The following LOXHD1 variants were observed in gnomAD, a reference collection of about 807,000 sequenced individuals.
LOXHD1 encodes lipoxygenase homology domain-containing protein 1.
Under a neutral mutation model 248.2 loss-of-function variants are expected in LOXHD1, and 205 were observed. The observed-to-expected ratio is 0.83, with a 90% confidence interval of 0.74 to 0.93. LOXHD1 has a LOEUF of 0.93. LOXHD1 is among the 40% of genes least tolerant of loss of function. LOXHD1 has a pLI of 0.00. For synonymous variants in LOXHD1, 1,113 were observed against 1,162.8 expected (o/e 0.96, Z 0.87); for missense variants, 2,930 against 2,971.6 (o/e 0.99, Z 0.33).
chr18:46,593,843 A>G, intron 9 of LOXHD1, 83 bp from the exon 10 acceptor site: 2 of 1,464,126 alleles, frequency 1.4e-6, no homozygotes, highest in South Asian at 1.2e-5. Flanking sequence ...GAAAAATCCA[A>G]AATGATCAGG....
rs539652803 is a variant in LOXHD1 at position 46,579,196 on chromosome 18, C to T, written c.1809+434G>A. 4.6e-5 allele frequency among the ~76,000 whole-genome samples: 7 copies of T among 152,344 alleles called. No individual in the cohort carries two copies. The South Asian group carries it at 1.4e-3, about 32-fold the overall frequency. ...GGCCCAGCTTTCTCCAGCCCAGGTC[C>T]TCTAGTCCACAGTGCCCGGCATCTT... On this transcript the variant is annotated intron_variant, in intron 13 of 40. Coordinates refer to ENST00000642948, the MANE Select transcript of LOXHD1 (RefSeq NM_001384474.1).
rs539210925 is a variant in LOXHD1, at chr18:46,482,698, G to A, written c.6341+889C>T. Among the ~76,000 whole-genome samples the A allele has an allele frequency of 1.8e-4, 27 of 152,324 alleles. No individual in the cohort carries two copies. The South Asian group carries it at 4.6e-3, about 26-fold the overall frequency. On this transcript the variant is annotated intron_variant, in intron 40 of 40. Transcript: ENST00000642948. ...CTCCTGAGGGCCAGAGCCCATAGCC[G>A]AGGGCTCTGCCTAGGTCCAGCCTGG...
At chr18:46,538,935 C>T (rs577987882) in intron 25 of LOXHD1, among the ~76,000 whole-genome samples, 6 of 152,322 alleles carry the variant, frequency 3.9e-5, no homozygotes, top group South Asian at 4.1e-4. Context: ...ATTCAGGTTC[C>T]GTCACATTAC....
At chr18:46,646,430 A>G (rs2039031376) in intron 2 of LOXHD1, among the ~76,000 whole-genome samples, 1 of 152,150 alleles carries the variant, frequency 6.6e-6, no homozygotes. Context: ...CATGTCCTTC[A>G]ATGCTCTTTG....
intron 4 of LOXHD1, among the ~76,000 whole-genome samples, chr18:46,623,462 G>C (rs2038696099): frequency 6.6e-6 from 1 of 152,232 alleles, no homozygotes; most frequent in Admixed American, 6.5e-5. Flanking sequence ...AAGCCAACCA[G>C]AATTGAGCTG....
chr18:46,555,402 G>T, intron 21 of LOXHD1: 1 of 284,386 alleles, frequency 3.5e-6, no homozygotes, highest in Non-Finnish European at 7.1e-6. Context: ...CGGTCTTTAT[G>T]TGGTTTCACA....
intron 4 of LOXHD1, among the ~76,000 whole-genome samples, chr18:46,625,429 C>A (rs1211833198): frequency 6.6e-6 from 1 of 151,218 alleles, no homozygotes; most frequent in African/African-American, 2.4e-5. Flanking sequence ...CTGGGCCACA[C>A]TGGAAGGAGA....
intron 4 of LOXHD1, among the ~76,000 whole-genome samples, chr18:46,621,582 T>G (rs2038669210): frequency 1.3e-5 from 2 of 152,188 alleles, no homozygotes; most frequent in African/African-American, 4.8e-5. Context: ...AGAGTTTCAG[T>G]GAGCACAGAC....
chr18:46,599,440 A>G (rs1016650199), intron 8 of LOXHD1, among the ~76,000 whole-genome samples: 11 of 152,296 alleles, frequency 7.2e-5, no homozygotes, highest in Middle Eastern at 3.4e-3. Context: ...TCTCCCTCAC[A>G]AAATTCAATT....
intron 4 of LOXHD1, among the ~76,000 whole-genome samples, chr18:46,638,002 A>C (rs1226058335): frequency 6.6e-6 from 1 of 152,212 alleles, no homozygotes; most frequent in Non-Finnish European, 1.5e-5. Context: ...GGGGGAGCAC[A>C]GTACAAATGT....
intron 31 of LOXHD1, 129 bp from the exon 32 acceptor site, chr18:46,522,438 G>C (rs2035626250): frequency 9.7e-6 from 7 of 721,352 alleles, no homozygotes; most frequent in Non-Finnish European, 1.4e-5. Context: ...ACAAAGTGCA[G>C]TGAGCCCTTC....
rs527419199 is a variant in LOXHD1, at chr18:46,579,532, C to T, written c.1809+98G>A. On this transcript the variant is annotated intron_variant, in intron 13 of 40. Transcript: ENST00000642948. ...GCTCCTGATGGCTGAGGCCCCAGGA[C>T]CAGCATCAGCTCAACTTTAACAGGG... The T allele has an allele frequency of 5.7e-5, 84 of 1,479,780 alleles. 3 individuals are homozygous for T. The South Asian group carries it at 1.0e-3, about 18-fold the overall frequency. The allele number at this position is 1,479,780 out of a possible 1,614,324, so 91.7% of individuals were successfully genotyped here.
At position 46,538,136 on chromosome 18, in the gene LOXHD1, A is replaced by T; in HGVS notation, c.4095+20T>A. Reference sequence around the variant, plus strand: ...TGTCTGACCTACTCCATCCCTGGACAGCCTGCTGAGCCCAAGTACCTCTAC... The same window carrying T: ...TGTCTGACCTACTCCATCCCTGGACTGCCTGCTGAGCCCAAGTACCTCTAC... On this transcript the variant is annotated intron_variant, in intron 26 of 40. Transcript: ENST00000642948. The T allele has an allele frequency of 1.3e-6, 2 of 1,522,564 alleles. No individual in the cohort carries two copies. The highest frequency in any genetic ancestry group is 1.8e-6 in the Non-Finnish European group (2 of 1,124,836). The allele number at this position is 1,522,564 out of a possible 1,614,324, so 94.3% of individuals were successfully genotyped here.
chr18:46,651,499 A>G (rs2039110943), intron 1 of LOXHD1, among the ~76,000 whole-genome samples: 1 of 152,092 alleles, frequency 6.6e-6, no homozygotes. Context: ...GAAATTCTAG[A>G]GCCACACCAC....
At chr18:46,654,834 T>C (rs2039159540) in intron 1 of LOXHD1, among the ~76,000 whole-genome samples, 3 of 152,150 alleles carry the variant, frequency 2.0e-5, no homozygotes, top group African/African-American at 7.2e-5. Context: ...GAATCCATGG[T>C]TCCCTTAGAA....
chr18:46,656,638 G>C (rs2144417018), intron 1 of LOXHD1, among the ~76,000 whole-genome samples: 1 of 152,320 alleles, frequency 6.6e-6, no homozygotes, highest in East Asian at 1.9e-4. Flanking sequence ...TGGGGCCATG[G>C]GGGCACTGTG....
At chr18:46,554,712 G>A (rs573567921) in intron 21 of LOXHD1, among the ~76,000 whole-genome samples, 309 of 151,832 alleles carry the variant, frequency 2.0e-3, no homozygotes, top group African/African-American at 7.2e-3. Flanking sequence ...GAAAGGGAGG[G>A]GGGAAAAGAA....
intron 14 of LOXHD1, among the ~76,000 whole-genome samples, chr18:46,574,543 C>T (rs570878099): frequency 1.3e-5 from 2 of 151,514 alleles, no homozygotes; most frequent in South Asian, 4.2e-4. Context: ...CCTGATTTTT[C>T]CAAGTCCCCT....
At chr18:46,515,939 A>G (rs1392806277) in intron 34 of LOXHD1, among the ~76,000 whole-genome samples, 2 of 152,164 alleles carry the variant, frequency 1.3e-5, no homozygotes, top group African/African-American at 2.4e-5. Context: ...ATGCTCCCCA[A>G]TGCAATCACG....
Sources: allele counts gnomAD v4.1 joint callset (sites outside exome capture counted in the v4.1 genomes callset), GRCh38; gene constraint gnomAD v4.1.1; transcripts MANE v1.5; gene names NCBI Gene and HGNC (gene_info 2026-07-23, HGNC 2026-07-21).